TMEM156: variants seen among roughly 807,000 people sequenced by gnomAD.
TMEM156 encodes the protein transmembrane protein 156.
In TMEM156, 28 loss-of-function variants were observed where a neutral mutation model predicts 30.5. That is an observed-to-expected ratio of 0.92 (90% confidence interval 0.68 to 1.26). The LOEUF (loss-of-function observed/expected upper bound fraction) is 1.26. TMEM156 is among the 50% of genes most tolerant of loss of function. TMEM156 has a pLI of 0.00. For missense variants in TMEM156, 351 were observed against 340.6 expected (o/e 1.03, Z -0.24); for synonymous variants, 137 against 119.9 (o/e 1.14, Z -0.93).
At chr4:39,002,887 G>T (rs1713472447) in intron 1 of TMEM156, among the ~76,000 whole-genome samples, 1 of 151,982 alleles carries the variant, frequency 6.6e-6, no homozygotes, top group African/African-American at 2.4e-5. Flanking sequence ...CCTGTTGTGG[G>T]GGGGTGGACG....
At chr4:39,003,021 C>T (rs1268575360) in intron 1 of TMEM156, among the ~76,000 whole-genome samples, 1 of 151,778 alleles carries the variant, frequency 6.6e-6, no homozygotes, top group Non-Finnish European at 1.5e-5. Context: ...TACCCTAAAA[C>T]TTAAAGTATA....
At chr4:39,004,839 C>T (rs1442249407) in intron 1 of TMEM156, among the ~76,000 whole-genome samples, 1 of 152,054 alleles carries the variant, frequency 6.6e-6, no homozygotes, top group Non-Finnish European at 1.5e-5. Context: ...ATGAGTTAAA[C>T]ATATACTTAC....
At chr4:39,022,269 A>G (rs1241505753) in intron 1 of TMEM156, among the ~76,000 whole-genome samples, 1 of 152,252 alleles carries the variant, frequency 6.6e-6, no homozygotes, top group Non-Finnish European at 1.5e-5. Flanking sequence ...CCATAGCCAA[A>G]GTGAAGACAG....
At chr4:38,987,120 T>C (rs572761896) in intron 4 of TMEM156, among the ~76,000 whole-genome samples, 39 of 152,288 alleles carry the variant, frequency 2.6e-4, no homozygotes, top group African/African-American at 8.7e-4. Context: ...CTTCTATCTC[T>C]CTTTGCTTAT....
intron 1 of TMEM156, among the ~76,000 whole-genome samples, chr4:39,002,620 A>G (rs1445384024): frequency 2.7e-5 from 4 of 148,500 alleles, no homozygotes; most frequent in South Asian, 2.3e-4. Flanking sequence ...AATAGCAAAG[A>G]CTTGGAACCA....
Position 39,032,397 on chromosome 4 carries a change from T to G in TMEM156, c.-84A>C, listed in dbSNP as rs1276049129. The G allele has an allele frequency of 2.6e-6, 2 of 776,960 alleles. No homozygotes were observed. Among genetic ancestry groups the G allele is most frequent in the African/African-American group, 3.5e-5 (2 of 57,768 alleles). The allele number at this position is 776,960 out of a possible 1,614,324, so 48.1% of individuals were successfully genotyped here. On this transcript the variant is annotated 5_prime_UTR_variant, in exon 1 of 7. Transcript: ENST00000381938. ...TGCTTTAAGTTTATCTCTGCAGCAC[T>G]TTAGGTTAATGCAGTTCACCTCATA... is the stretch of plus-strand genomic sequence containing the variant.
At chr4:39,001,318 C>T (rs1454334566) in intron 1 of TMEM156, among the ~76,000 whole-genome samples, 1 of 148,540 alleles carries the variant, frequency 6.7e-6, no homozygotes, top group Non-Finnish European at 1.5e-5. Flanking sequence ...ACCCAGGAGG[C>T]AGATCTTGCA....
At chr4:39,004,292 T>C (rs1473898571) in intron 1 of TMEM156, among the ~76,000 whole-genome samples, 2 of 152,158 alleles carry the variant, frequency 1.3e-5, no homozygotes, top group African/African-American at 4.8e-5. Context: ...CATGGCACTA[T>C]AGGACAAATG....
chr4:38,977,571 C>G (rs979855488), intron 5 of TMEM156, among the ~76,000 whole-genome samples: 3 of 152,158 alleles, frequency 2.0e-5, no homozygotes, highest in African/African-American at 7.2e-5. Context: ...GAAATTTTTT[C>G]TGGTTCTACA....
chr4:38,999,853 T>C (rs1043235758), intron 1 of TMEM156, among the ~76,000 whole-genome samples: 3 of 152,198 alleles, frequency 2.0e-5, no homozygotes, highest in African/African-American at 4.8e-5. Flanking sequence ...TAATCCAGAA[T>C]AATCTTCACA....
intron 1 of TMEM156, among the ~76,000 whole-genome samples, chr4:39,008,065 G>A (rs990701723): frequency 6.6e-6 from 1 of 151,822 alleles, no homozygotes; most frequent in Non-Finnish European, 1.5e-5. Context: ...CATATTGACT[G>A]CAAATAATTA....
At chr4:38,970,937 C>G in intron 6 of TMEM156, 95 bp downstream of exon 6, 1 of 749,540 alleles carries the variant, frequency 1.3e-6, no homozygotes, top group Non-Finnish European at 2.2e-6. Flanking sequence ...TTTCTACCTC[C>G]TACCAGATAG....
chr4:39,018,407 A>T (rs1460649125), intron 1 of TMEM156, among the ~76,000 whole-genome samples: 2 of 152,132 alleles, frequency 1.3e-5, no homozygotes, highest in Non-Finnish European at 2.9e-5. Context: ...ATTTACTCAC[A>T]TGTTTATAAT....
chr4:38,977,912 T>C (rs1474251948), intron 5 of TMEM156, among the ~76,000 whole-genome samples: 1 of 152,264 alleles, frequency 6.6e-6, no homozygotes, highest in Non-Finnish European at 1.5e-5. Flanking sequence ...AGCCCTCGGA[T>C]GCTTCTTCTT....
At chr4:38,969,136 G>A (rs1722479441) in intron 6 of TMEM156, among the ~76,000 whole-genome samples, 1 of 152,172 alleles carries the variant, frequency 6.6e-6, no homozygotes, top group Non-Finnish European at 1.5e-5. Flanking sequence ...TCACGCTACT[G>A]TGCTTTCACA....
chr4:39,027,084 T>C (rs970021070), intron 1 of TMEM156, among the ~76,000 whole-genome samples: 9 of 152,224 alleles, frequency 5.9e-5, no homozygotes, highest in African/African-American at 1.9e-4. Flanking sequence ...ATTTGACACA[T>C]TACTGTGAAT....
At chr4:38,994,402 A>G (rs1313859209) in intron 2 of TMEM156, among the ~76,000 whole-genome samples, 1 of 152,206 alleles carries the variant, frequency 6.6e-6, no homozygotes, top group East Asian at 1.9e-4. Flanking sequence ...CTGGGATTAC[A>G]GGCGTGAGCC....
chr4:38,973,830 G>GT (rs1026147500), intron 5 of TMEM156, among the ~76,000 whole-genome samples: 8 of 152,124 alleles, frequency 5.3e-5, no homozygotes, highest in Non-Finnish European at 1.2e-4. Context: ...TTTTTTGTTT[G>GT]TTTGAGAGAA....
intron 1 of TMEM156, among the ~76,000 whole-genome samples, chr4:38,999,928 G>A (rs1713218379): frequency 6.6e-6 from 1 of 152,148 alleles, no homozygotes; most frequent in African/African-American, 2.4e-5. Context: ...GACATTGACA[G>A]GTTTCCAGAA....
Sources: gnomAD v4.1 joint callset for allele counts (sites outside exome capture counted in the v4.1 genomes callset) on GRCh38, gnomAD v4.1.1 for gene constraint, MANE v1.5 for transcripts, NCBI Gene and HGNC (gene_info 2026-07-23, HGNC 2026-07-21) for gene names.